The following BCL9 variants were observed in gnomAD, a reference collection of about 807,000 sequenced individuals.
BCL9 encodes BCL9 transcription coactivator.
In BCL9, 25 loss-of-function variants were observed where a neutral mutation model predicts 88.5. That is an observed-to-expected ratio of 0.28 (90% CI 0.21 to 0.39). BCL9 has a LOEUF of 0.39. BCL9 is among the 10% of genes least tolerant of loss of function. The pLI is 1.00. For synonymous variants in BCL9, 711 were observed against 673.3 expected (o/e 1.06, Z -0.87); for missense variants, 1,817 against 1,877.8 (o/e 0.97, Z 0.60).
rs782447873 is a variant in BCL9 at position 147,619,800 on chromosome 1, A to G, written c.1645A>G (p.Met549Val). 1.2e-6 allele frequency: 2 copies of G among 1,614,090 alleles called. No homozygotes were observed. Among genetic ancestry groups the G allele is most frequent in the South Asian group, 1.1e-5 (1 of 91,084 alleles). ...GCCACATTCTCTGCCCCCGAGGGGC[A>G]TGGCTCCCCACCCCAACATGCCAGG... ...NMPHSLPPRG[M>V]APHPNMPGSQ... is the part of the protein sequence containing the mutation. Residue 549 changes from methionine (M) to valine (V), a missense_variant, in exon 8 of 10, where the codon ATG (methionine) becomes GTG (valine). Met to Val is a conservative substitution (Grantham distance 21). Coordinates refer to ENST00000234739, the MANE Select transcript of BCL9 (RefSeq NM_004326.4). The surrounding 1 kb of genome is among the most constrained non-coding windows in gnomAD (Gnocchi z 4.1).
chr1:147,614,079 C>G (rs1271804977), intron 5 of BCL9, among the ~76,000 whole-genome samples: 1 of 152,154 alleles, frequency 6.6e-6, no homozygotes, highest in Non-Finnish European at 1.5e-5. Flanking sequence ...GATTATTAGA[C>G]AGTTACAGTA....
intron 1 of BCL9, among the ~76,000 whole-genome samples, chr1:147,560,094 G>A (rs1048176012): frequency 6.6e-6 from 1 of 152,148 alleles, no homozygotes; most frequent in Non-Finnish European, 1.5e-5. Context: ...GAATGTAAAT[G>A]ATGCAGGGAA....
chr1:147,545,296 C>T (rs587611958), intron 1 of BCL9, among the ~76,000 whole-genome samples: 1 of 152,314 alleles, frequency 6.6e-6, no homozygotes, highest in South Asian at 2.1e-4. Flanking sequence ...GTATGCACTT[C>T]ATTTGCAAGT....
intron 3 of BCL9, among the ~76,000 whole-genome samples, chr1:147,607,316 T>C (rs902249152): frequency 4.6e-5 from 7 of 152,242 alleles, no homozygotes; most frequent in African/African-American, 1.7e-4. Flanking sequence ...ATCACTTCCA[T>C]ATACTGATTT....
chr1:147,573,542 G>A (rs1297325263), intron 1 of BCL9, among the ~76,000 whole-genome samples: 1 of 152,198 alleles, frequency 6.6e-6, no homozygotes, highest in Non-Finnish European at 1.5e-5. Context: ...GCAACTCGGT[G>A]GGACAGTGAT....
chr1:147,596,673 A>G (rs1409947276), intron 1 of BCL9, among the ~76,000 whole-genome samples: 1 of 152,098 alleles, frequency 6.6e-6, no homozygotes, highest in Non-Finnish European at 1.5e-5. Context: ...TCGGCCTCCC[A>G]GAGTGCTGGG....
intron 7 of BCL9, among the ~76,000 whole-genome samples, chr1:147,617,361 G>A (rs956050914): frequency 2.0e-5 from 3 of 152,128 alleles, no homozygotes; most frequent in Non-Finnish European, 4.4e-5. Flanking sequence ...TCATGGTTTC[G>A]TTATATGAAA....
chr1:147,618,191 G>GTGGA (rs1553204130), intron 7 of BCL9, among the ~76,000 whole-genome samples: 38 of 152,254 alleles, frequency 2.5e-4, no homozygotes, highest in African/African-American at 8.7e-4. Context: ...TGGAATCAGT[G>GTGGA]ATCACCAACC....
intron 1 of BCL9, among the ~76,000 whole-genome samples, chr1:147,585,886 G>A (rs1656579762): frequency 6.6e-6 from 1 of 152,078 alleles, no homozygotes; most frequent in Admixed American, 6.5e-5. Flanking sequence ...GAGGAGAAGG[G>A]ACTTGCCTGG....
chr1:147,613,814 T>C (rs587706846), intron 5 of BCL9, among the ~76,000 whole-genome samples: 4 of 152,232 alleles, frequency 2.6e-5, no homozygotes, highest in Admixed American at 1.3e-4. Flanking sequence ...GTTTTAGGCT[T>C]TTTCCTCCTA....
At chr1:147,569,179 C>T (rs587625179) in intron 1 of BCL9, among the ~76,000 whole-genome samples, 9 of 151,102 alleles carry the variant, frequency 6.0e-5, no homozygotes, top group African/African-American at 1.7e-4. Flanking sequence ...AGAAGGGCAG[C>T]GAGGAAGAGG....
intron 1 of BCL9, among the ~76,000 whole-genome samples, chr1:147,564,831 A>T (rs944483583): frequency 3.3e-5 from 5 of 152,286 alleles, no homozygotes; most frequent in African/African-American, 4.8e-5. Context: ...TTTTATCTTT[A>T]TACCTAAAGT....
At chr1:147,556,824 A>C (rs1655136543) in intron 1 of BCL9, among the ~76,000 whole-genome samples, 1 of 152,170 alleles carries the variant, frequency 6.6e-6, no homozygotes, top group Non-Finnish European at 1.5e-5. Context: ...GCTCCTGCTC[A>C]ATATGACATC....
intron 4 of BCL9, 53 bp from the exon 5 acceptor site, chr1:147,612,830 G>A: frequency 6.4e-7 from 1 of 1,553,190 alleles, no homozygotes; most frequent in Non-Finnish European, 8.8e-7. Flanking sequence ...TCTAATTTGT[G>A]CTGACCAGCT....
At chr1:147,545,362 G>A (rs1473034519) in intron 1 of BCL9, among the ~76,000 whole-genome samples, 1 of 152,202 alleles carries the variant, frequency 6.6e-6, no homozygotes, top group Admixed American at 6.5e-5. Flanking sequence ...TCACCGGGGA[G>A]CTGCCTCTTG....
At position 147,619,237 on chromosome 1, in the gene BCL9, G is replaced by A. The variant is rs782661402; in HGVS notation, c.1082G>A (p.Arg361His). 6.8e-6 allele frequency: 11 copies of A among 1,614,032 alleles called. No individual in the cohort carries two copies. Among genetic ancestry groups the A allele is most frequent in the East Asian group, 2.2e-5 (1 of 44,882 alleles). The change falls in exon 8 of 10, where the codon CGC becomes CAC. Residue 361 changes from arginine (R) to histidine (H), a missense_variant. By Grantham distance (29) the Arg-to-His change is conservative. Coordinates refer to ENST00000234739, the MANE Select transcript of BCL9 (RefSeq NM_004326.4). The surrounding 1 kb of genome is among the most constrained non-coding windows in gnomAD (Gnocchi z 4.1). The part of the protein sequence containing the change: ...LSQEQLEHRE[R>H]SLQTLRDIQR... ...CAGGAGCAGCTGGAGCACCGGGAGC[G>A]CTCCTTACAAACTCTCAGAGATATC...
chr1:147,620,431 C>T lies in BCL9; in HGVS notation c.2276C>T (p.Pro759Leu), dbSNP rs587773629. 1.2e-6 allele frequency: 2 copies of T among 1,614,072 alleles called. No homozygotes were observed. Among genetic ancestry groups the T allele is most frequent in the East Asian group, 2.2e-5 (1 of 44,872 alleles). Residue 759 changes from proline to leucine, a missense_variant, in exon 8 of 10, where the codon CCT (proline) becomes CTT (leucine). Around this residue, in one of 2 missense-constraint regions of BCL9, gnomAD observed 1,228 missense variants for 1,191.6 expected, o/e 1.03. Coordinates refer to ENST00000234739, the MANE Select transcript of BCL9 (RefSeq NM_004326.4). ...CGCCCAGGTGGCTCAGACATGCTGC[C>T]TGCTCAGCAGAAGATGGTGCCACTG... ...KLRPGGSDML[P>L]AQQKMVPLPF...
chr1:147,615,546 G>GA (rs1658234828), intron 6 of BCL9, among the ~76,000 whole-genome samples: 1 of 152,210 alleles, frequency 6.6e-6, no homozygotes, highest in Non-Finnish European at 1.5e-5. Flanking sequence ...AGTTTCAGGA[G>GA]AAAATCTTGG....
chr1:147,551,441 T>C (rs1398247392), intron 1 of BCL9, among the ~76,000 whole-genome samples: 6 of 152,236 alleles, frequency 3.9e-5, no homozygotes, highest in African/African-American at 1.4e-4. Flanking sequence ...TTAGGGTCTC[T>C]GACTCTGAGT....
Sources: gnomAD v4.1 joint callset for allele counts (sites outside exome capture counted in the v4.1 genomes callset) on GRCh38, gnomAD v4.1.1 for gene constraint, gnomAD v4.1.1 regional missense constraint, Gnocchi (gnomAD v3.1) non-coding constraint, MANE v1.5 for transcripts, NCBI Gene and HGNC (gene_info 2026-07-23, HGNC 2026-07-21) for gene names.